CNOT9: variants seen among roughly 807,000 people sequenced by gnomAD.
The protein encoded by CNOT9 is RCD1 required for cell differentiation1 homolog.
Under a neutral mutation model 37.4 loss-of-function variants are expected in CNOT9, and 8 were observed. That is an observed-to-expected ratio of 0.21 (90% CI 0.13 to 0.39). The LOEUF is 0.39. Among genes scored for constraint, CNOT9 ranks in the 10% least tolerant of loss-of-function variants. CNOT9 has a pLI of 1.00. For synonymous variants in CNOT9, 120 were observed against 137.6 expected (o/e 0.87, Z 0.90); for missense variants, 154 against 365.3 (o/e 0.42, Z 4.71).
At chr2:218,588,506 G>A (rs1334017653) in intron 5 of CNOT9, among the ~76,000 whole-genome samples, 2 of 144,240 alleles carry the variant, frequency 1.4e-5, no homozygotes, top group African/African-American at 5.2e-5. Flanking sequence ...CCAGGCTGGT[G>A]TTGAACCCCT....
In CNOT9 at chr2:218,587,695, A is replaced by C. The variant is rs761441554; in HGVS notation, c.540A>C (p.Thr180=). The change falls in exon 5 of 8, where the codon ACA becomes ACC. Residue 180 remains threonine (T), a splice_region_variant and synonymous_variant. Coordinates refer to ENST00000273064, the MANE Select transcript of CNOT9 (RefSeq NM_005444.3). ...IMESGSELSK[T]VATFILQKIL... ...AATCTGGAAGTGAACTTTCTAAAAC[A>C]GTATGTACTTTTAACTTAGATTTTA... The C allele has an allele frequency of 6.5e-7, 1 of 1,540,848 alleles. No individual in the cohort carries two copies. Among genetic ancestry groups the C allele is most frequent in the South Asian group, 1.2e-5 (1 of 83,266 alleles).
chr2:218,592,303 G>A lies in CNOT9; in HGVS notation c.541-1G>A. ...AACTCTTCGATTTTGTTTTGCTTCA[G>A]GTTGCCACATTCATCCTCCAGAAGA... On this transcript the variant is annotated splice_acceptor_variant, in intron 5 of 7. Transcript: ENST00000273064. LOFTEE classifies it high-confidence loss of function. This position sits in a 1 kb window ranked among gnomAD's most constrained non-coding sequence, Gnocchi z 4.1. 1 of 1,611,566 alleles carries A rather than the reference G, an allele frequency of 6.2e-7. No individual in the cohort carries two copies. Among genetic ancestry groups the A allele is most frequent in the Non-Finnish European group, 8.5e-7 (1 of 1,178,424 alleles).
rs111432922 is a variant in CNOT9 at position 218,582,925 on chromosome 2, T to G, written c.205-46T>G. 2.1e-4 allele frequency: 226 copies of G among 1,075,834 alleles called. 3 individuals carry two copies. The Middle Eastern group carries it at 3.8e-3, about 18-fold the overall frequency. The allele number at this position is 1,075,834 out of a possible 1,614,324, so 66.6% of individuals were successfully genotyped here. On this transcript the variant is annotated intron_variant, in intron 2 of 7. Transcript: ENST00000273064. ...TTTGCTTTATTACCATGGGAATTAATTTTTAGTTATTCCTTATTCATCTGA... is the reference window on the plus strand; with the variant it reads ...TTTGCTTTATTACCATGGGAATTAAGTTTTAGTTATTCCTTATTCATCTGA...
intron 1 of CNOT9, among the ~76,000 whole-genome samples, chr2:218,571,525 T>C (rs779572582): frequency 6.6e-6 from 1 of 152,128 alleles, no homozygotes; most frequent in Non-Finnish European, 1.5e-5. Context: ...ATTTTGACTC[T>C]TGAGTAGTCG....
chr2:218,580,246 G>A (rs372009433), intron 1 of CNOT9, among the ~76,000 whole-genome samples: 488 of 152,250 alleles, frequency 3.2e-3, no homozygotes, highest in African/African-American at 0.011. Context: ...TGGGATTACA[G>A]GGGTGTGCCA....
intron 1 of CNOT9, among the ~76,000 whole-genome samples, chr2:218,571,850 C>T (rs1354753022): frequency 6.7e-6 from 1 of 150,108 alleles, no homozygotes; most frequent in Non-Finnish European, 1.5e-5. Context: ...CCCCAAAGTG[C>T]TGGGATTACA....
intron 1 of CNOT9, 85 bp downstream of exon 1, chr2:218,569,063 GT>G (rs1693842963): frequency 6.8e-7 from 1 of 1,469,936 alleles, no homozygotes; most frequent in South Asian, 1.2e-5. Context: ...CCGGTGTCGG[GT>G]CCCTAGTCTG....
At chr2:218,576,114 G>A (rs891404045) in intron 1 of CNOT9, among the ~76,000 whole-genome samples, 4 of 152,204 alleles carry the variant, frequency 2.6e-5, no homozygotes, top group African/African-American at 7.2e-5. Flanking sequence ...CTCACCTGCC[G>A]TACCCCTTCT....
In CNOT9 at chr2:218,589,712, G is replaced by T. The variant is rs1694712092; in HGVS notation, c.540+2017G>T. Reference sequence around the variant, plus strand: ...AGTGGCTATTCACAGCCATGATAATGGCACACTATAGCCTTGAACTCCGGG... The same window carrying T: ...AGTGGCTATTCACAGCCATGATAATTGCACACTATAGCCTTGAACTCCGGG... On this transcript the variant is annotated intron_variant, in intron 5 of 7. Transcript: ENST00000273064. Among the ~76,000 whole-genome samples, 5 of 152,128 alleles carry T rather than the reference G, an allele frequency of 3.3e-5. No homozygotes were observed. In the South Asian group the frequency reaches 1.0e-3, roughly 32 times the overall value.
chr2:218,594,585 C>G lies in CNOT9; in HGVS notation c.*309C>G. Reference sequence around the variant, plus strand: ...CAGCATGTCCAAGATGACCCTTCTCCCCTACCTCTACCTAGCCACTGGCAG... The same window carrying G: ...CAGCATGTCCAAGATGACCCTTCTCGCCTACCTCTACCTAGCCACTGGCAG... On this transcript the variant is annotated 3_prime_UTR_variant, in exon 8 of 8. Coordinates refer to ENST00000273064, the MANE Select transcript of CNOT9 (RefSeq NM_005444.3). 3.0e-6 allele frequency: 1 copy of G among 334,154 alleles called. No individual in the cohort carries two copies. Among genetic ancestry groups the G allele is most frequent in the Non-Finnish European group, 5.5e-6 (1 of 181,086 alleles). 20.7% of individuals were successfully genotyped at this position (334,154 alleles called of 1,614,324 possible). A position where few individuals can be genotyped will look rare whatever the true frequency, so the allele number is the denominator to read the frequency against.
intron 1 of CNOT9, among the ~76,000 whole-genome samples, chr2:218,569,471 A>G (rs532425): frequency 0.66 from 100,827 of 152,100 alleles, 33,881 homozygotes; most frequent in East Asian, 0.9. Flanking sequence ...GGTTCTCTGC[A>G]TTTAAAACTT....
intron 3 of CNOT9, 97 bp downstream of exon 3, chr2:218,583,183 G>A: frequency 1.3e-6 from 1 of 774,164 alleles, no homozygotes; most frequent in South Asian, 1.5e-5. Context: ...AGGAGAGAGA[G>A]AGAGAACGTT....
In CNOT9 at chr2:218,595,793, A is replaced by G. The variant is rs550448541; in HGVS notation, c.*1517A>G. 6.6e-6 allele frequency: 1 copy of G among 151,836 alleles called. No homozygotes were observed. Among genetic ancestry groups the G allele is most frequent in the Non-Finnish European group, 1.5e-5 (1 of 67,962 alleles). 9.4% of individuals were successfully genotyped at this position (151,836 alleles called of 1,614,324 possible). The stretch of plus-strand genomic sequence containing the variant: ...TTTGCAGAGGCAGTTTTGCCAACAC[A>G]AGGGCTCTTTCAAGCCGACTTTCAC... On this transcript the variant is annotated 3_prime_UTR_variant, in exon 8 of 8. Coordinates refer to ENST00000273064, the MANE Select transcript of CNOT9 (RefSeq NM_005444.3).
At chr2:218,570,219 G>A (rs938493875) in intron 1 of CNOT9, among the ~76,000 whole-genome samples, 2 of 152,162 alleles carry the variant, frequency 1.3e-5, no homozygotes, top group Non-Finnish European at 2.9e-5. Flanking sequence ...GACCAATTCT[G>A]CTTTTTCTGT....
chr2:218,572,722 G>A (rs1296649956), intron 1 of CNOT9: 2 of 984,306 alleles, frequency 2.0e-6, no homozygotes, highest in Non-Finnish European at 2.4e-6. Context: ...AGCCTTTAGG[G>A]GATGTGTTTT....
chr2:218,581,055 G>A (rs1694355825), intron 2 of CNOT9: 1 of 497,912 alleles, frequency 2.0e-6, no homozygotes, highest in South Asian at 1.5e-5. Flanking sequence ...TAGGAGTACT[G>A]TAAGATAAAT....
At chr2:218,580,806 G>T in intron 2 of CNOT9, 66 bp downstream of exon 2, 1 of 1,433,420 alleles carries the variant, frequency 7.0e-7, no homozygotes, top group South Asian at 1.3e-5. Flanking sequence ...CTTTACCTTT[G>T]CCCAAATGAT....
At chr2:218,579,547 C>T (rs937469608) in intron 1 of CNOT9, among the ~76,000 whole-genome samples, 1 of 151,956 alleles carries the variant, frequency 6.6e-6, no homozygotes, top group African/African-American at 2.4e-5. Context: ...AGTGCAGTGG[C>T]GCGATCTCGG....
intron 1 of CNOT9, among the ~76,000 whole-genome samples, chr2:218,572,323 A>T (rs901907841): frequency 4.6e-5 from 7 of 151,538 alleles, no homozygotes; most frequent in African/African-American, 1.2e-4. Flanking sequence ...CTCCATCTTT[A>T]AAAAAAAATG....
Sources: allele counts gnomAD v4.1 joint callset (sites outside exome capture counted in the v4.1 genomes callset), GRCh38; gene constraint gnomAD v4.1.1; non-coding constraint Gnocchi (gnomAD v3.1); transcripts MANE v1.5; gene names NCBI Gene and HGNC (gene_info 2026-07-23, HGNC 2026-07-21).